TSHZ2: variants seen among roughly 807,000 people sequenced by gnomAD.
The protein encoded by TSHZ2 is teashirt zinc finger homeobox 2.
A neutral mutation model predicts 74.4 loss-of-function variants in TSHZ2; 21 were observed. That is an observed-to-expected ratio of 0.28 (90% CI 0.20 to 0.41). The LOEUF (loss-of-function observed/expected upper bound fraction) is 0.41. TSHZ2 is among the 10% of genes least tolerant of loss of function. TSHZ2 has a pLI of 1.00. For missense variants in TSHZ2, 1,244 were observed against 1,293.5 expected (o/e 0.96, Z 0.59); for synonymous variants, 540 against 515.3 (o/e 1.05, Z -0.65).
At chr20:53,275,923 G>A (rs1010712351) in intron 2 of TSHZ2, among the ~76,000 whole-genome samples, 12 of 152,138 alleles carry the variant, frequency 7.9e-5, no homozygotes, top group Non-Finnish European at 1.0e-4. Context: ...GCGAAACTCC[G>A]TCTCAAAAAC....
chr20:53,083,367 G>A (rs189307402), intron 1 of TSHZ2, among the ~76,000 whole-genome samples: 7 of 152,304 alleles, frequency 4.6e-5, no homozygotes, highest in Admixed American at 4.6e-4. Context: ...CTTGAGGCTT[G>A]TAAATAGCTT....
intron 1 of TSHZ2, among the ~76,000 whole-genome samples, chr20:53,174,600 G>T (rs983685427): frequency 6.6e-6 from 1 of 152,180 alleles, no homozygotes; most frequent in East Asian, 1.9e-4. Flanking sequence ...GTGGGTGGAT[G>T]CCTATCAAGC....
At chr20:53,326,047 GC>G (rs1422327429) in intron 2 of TSHZ2, among the ~76,000 whole-genome samples, 1 of 152,144 alleles carries the variant, frequency 6.6e-6, no homozygotes, top group Non-Finnish European at 1.5e-5. Flanking sequence ...CTCCCAAAGT[GC>G]TGGGACTACA....
intron 2 of TSHZ2, among the ~76,000 whole-genome samples, chr20:53,352,777 C>CA (rs869247919): frequency 0.13 from 8,215 of 65,590 alleles, 287 homozygotes; most frequent in Non-Finnish European, 0.15. Context: ...CTGTCTCAAA[C>CA]AAAAAAAAAA....
At chr20:53,240,280 G>T (rs1990034466) in intron 1 of TSHZ2, among the ~76,000 whole-genome samples, 1 of 152,250 alleles carries the variant, frequency 6.6e-6, no homozygotes, top group East Asian at 1.9e-4. Context: ...CTACGGCAAG[G>T]TGATTAGGTT....
Position 53,232,048 on chromosome 20 carries a change from C to T in TSHZ2, c.41-21451C>T, listed in dbSNP as rs916952. ...TACGGGCGCCTGCTACCACACCTGG[C>T]TAATTTATTTTTTTATTTTTTTGTA... On this transcript the variant is annotated intron_variant, in intron 1 of 2. Coordinates refer to ENST00000371497, the MANE Select transcript of TSHZ2 (RefSeq NM_173485.6). Among the ~76,000 whole-genome samples the T allele has an allele frequency of 6.1e-3, 916 of 149,920 alleles. 3 individuals are homozygous for T. Among genetic ancestry groups the T allele is most frequent in the Non-Finnish European group, 0.01 (706 of 67,406 alleles).
At chr20:53,106,391 C>CTTTGTTTTTTTT (rs1986366736) in intron 1 of TSHZ2, among the ~76,000 whole-genome samples, 1 of 58,938 alleles carries the variant, frequency 1.7e-5, no homozygotes, top group African/African-American at 7.0e-5. Context: ...CTCACACTTT[C>CTTTGTTTTTTTT]TTTTTTTTTT....
At chr20:53,209,209 T>C (rs1989244525) in intron 1 of TSHZ2, among the ~76,000 whole-genome samples, 2 of 152,158 alleles carry the variant, frequency 1.3e-5, no homozygotes, top group Admixed American at 6.5e-5. Context: ...TGACTCAGCC[T>C]CCTGAGTAGC....
chr20:53,034,690 A>AGGGCTTCCAGGTTGAGGGAACAGCAG (rs1555817233), intron 1 of TSHZ2, among the ~76,000 whole-genome samples: 13 of 152,248 alleles, frequency 8.5e-5, no homozygotes, highest in African/African-American at 3.1e-4. Context: ...TTTGAGGGCG[A>AGGGCTTCCAGGTTGAGGGAACAGCAG]GGGCTTCCAG....
chr20:53,029,716 C>T (rs1983567813), intron 1 of TSHZ2, among the ~76,000 whole-genome samples: 1 of 152,134 alleles, frequency 6.6e-6, no homozygotes, highest in South Asian at 2.1e-4. Context: ...TTATGCAATT[C>T]ATATGGATGG....
chr20:53,204,529 T>C (rs1989116872), intron 1 of TSHZ2, among the ~76,000 whole-genome samples: 1 of 152,080 alleles, frequency 6.6e-6, no homozygotes, highest in African/African-American at 2.4e-5. Context: ...ATGTGACTAC[T>C]GAAGCATATG....
chr20:53,296,346 G>A (rs902215504), intron 2 of TSHZ2, among the ~76,000 whole-genome samples: 1 of 152,100 alleles, frequency 6.6e-6, no homozygotes, highest in Non-Finnish European at 1.5e-5. Flanking sequence ...GTTGCTGTAA[G>A]GTTTTATTCT....
intron 1 of TSHZ2, among the ~76,000 whole-genome samples, chr20:53,028,100 C>G (rs1476438930): frequency 1.3e-5 from 2 of 152,146 alleles, no homozygotes; most frequent in Non-Finnish European, 2.9e-5. Context: ...GAAATCCAGT[C>G]TCTTCTCTCT....
intron 1 of TSHZ2, among the ~76,000 whole-genome samples, chr20:53,131,562 G>A (rs1001388959): frequency 2.6e-5 from 4 of 152,176 alleles, no homozygotes; most frequent in African/African-American, 9.7e-5. Flanking sequence ...GAAACGAGTG[G>A]CCCCACTCCA....
In TSHZ2 at chr20:53,430,857, C is replaced by T. The variant is rs149013956; in HGVS notation, c.*9-56287C>T. ...CACTACCTCCTCCTCCCGAGTTCAA[C>T]TGATTCTCCTGCCTCAGCCTCCCGA... On this transcript the variant is annotated intron_variant, in intron 2 of 2. Transcript: ENST00000371497. Among the ~76,000 whole-genome samples the T allele has an allele frequency of 1.2e-3, 179 of 152,038 alleles. 1 individual carries two copies. The highest frequency in any genetic ancestry group is 4.1e-3 in the African/African-American group (171 of 41,468).
intron 2 of TSHZ2, among the ~76,000 whole-genome samples, chr20:53,401,769 A>ATT (rs1199832135): frequency 3.3e-5 from 4 of 122,118 alleles, no homozygotes; most frequent in African/African-American, 3.4e-5. Context: ...TATACAACAC[A>ATT]TTTTCTTTTT....
Position 53,408,960 on chromosome 20 carries a change from C to T in TSHZ2, c.*9-78184C>T, listed in dbSNP as rs1600615968. 2.0e-5 allele frequency among the ~76,000 whole-genome samples: 3 copies of T among 152,306 alleles called. 1 individual carries two copies. The highest frequency in any genetic ancestry group is 3.4e-3 in the Middle Eastern group (1 of 294). On this transcript the variant is annotated intron_variant, in intron 2 of 2. Coordinates refer to ENST00000371497, the MANE Select transcript of TSHZ2 (RefSeq NM_173485.6). ...GCACCCTAGGCCAGCCTATTCTTCT[C>T]GTAGAGACGGTCACTGATTCCCTCT...
At chr20:53,340,624 C>G (rs200613) in intron 2 of TSHZ2, among the ~76,000 whole-genome samples, 79,125 of 152,084 alleles carry the variant, frequency 0.52, 22,229 homozygotes, top group African/African-American at 0.73. Flanking sequence ...AACTGTGTTG[C>G]GCACTCCTAT....
chr20:53,363,358 G>A (rs575740801), intron 2 of TSHZ2, among the ~76,000 whole-genome samples: 6 of 152,352 alleles, frequency 3.9e-5, no homozygotes, highest in African/African-American at 1.4e-4. Context: ...TTGCTTCCAA[G>A]AGGGACATTG....
Sources: allele counts gnomAD v4.1 joint callset (sites outside exome capture counted in the v4.1 genomes callset), GRCh38; gene constraint gnomAD v4.1.1; transcripts MANE v1.5; gene names NCBI Gene and HGNC (gene_info 2026-07-23, HGNC 2026-07-21).